Variants in LDB2 observed in about 807,000 individuals in gnomAD.
LDB2 encodes the protein LIM domain binding 2.
In LDB2, 12 loss-of-function variants were observed where a neutral mutation model predicts 44.3. The observed-to-expected ratio is 0.27, with a 90% CI of 0.17 to 0.44. LDB2 has a LOEUF of 0.44. Among genes scored for constraint, LDB2 ranks in the 20% least tolerant of loss-of-function variants. LDB2 has a pLI of 1.00. For synonymous variants in LDB2, 164 were observed against 174.8 expected, an observed-to-expected ratio of 0.94 and a Z score of 0.49; for missense variants, 344 against 473.5, an observed-to-expected ratio of 0.73 and a Z score of 2.54.
chr4:16,678,711 C>T (rs75802554), intron 2 of LDB2, among the ~76,000 whole-genome samples: 30 of 152,334 alleles, frequency 2.0e-4, no homozygotes, highest in African/African-American at 7.2e-4. Context: ...CTTCTCCATA[C>T]ATCTTGATAT....
intron 2 of LDB2, among the ~76,000 whole-genome samples, chr4:16,671,727 C>T (rs1357428802): frequency 6.6e-6 from 1 of 152,020 alleles, no homozygotes; most frequent in Non-Finnish European, 1.5e-5. Context: ...ATTGCAAAGT[C>T]TGCAATAGCT....
chr4:16,614,317 T>C (rs1726511531), intron 2 of LDB2, among the ~76,000 whole-genome samples: 1 of 152,092 alleles, frequency 6.6e-6, no homozygotes. Flanking sequence ...ATAAACACTC[T>C]AGAAGAACAC....
intron 1 of LDB2, among the ~76,000 whole-genome samples, chr4:16,762,421 C>A (rs1029983664): frequency 2.0e-5 from 3 of 152,052 alleles, no homozygotes; most frequent in African/African-American, 7.2e-5. Flanking sequence ...GAAGATATAC[C>A]CAAGACTGGG....
intron 1 of LDB2, among the ~76,000 whole-genome samples, chr4:16,787,641 G>A (rs1407028980): frequency 2.0e-5 from 3 of 152,082 alleles, no homozygotes; most frequent in Non-Finnish European, 4.4e-5. Context: ...GGTGCAACAA[G>A]ATGAACTATA....
intron 1 of LDB2, among the ~76,000 whole-genome samples, chr4:16,771,816 T>C (rs1288554467): frequency 6.6e-6 from 1 of 152,148 alleles, no homozygotes; most frequent in Non-Finnish European, 1.5e-5. Flanking sequence ...CTAACTCATC[T>C]CTCAGCCCCC....
At chr4:16,674,092 C>T in intron 2 of LDB2, 2 of 458,062 alleles carry the variant, frequency 4.4e-6, no homozygotes, top group Non-Finnish European at 7.8e-6. Context: ...GCAACTGAAG[C>T]TGTGCTGGGG....
Position 16,548,758 on chromosome 4 carries a change from G to T in LDB2, c.616-36654C>A, listed in dbSNP as rs141472004. 3.3e-5 allele frequency among the ~76,000 whole-genome samples: 5 copies of T among 152,324 alleles called. No individual in the cohort carries two copies. The East Asian group carries it at 9.6e-4, about 29-fold the overall frequency. ...ATTAGCTGAAAGCCTTTTGGGAAATGTAATAGTCACTCACTATTTATATTC... is the reference window on the plus strand; with the variant it reads ...ATTAGCTGAAAGCCTTTTGGGAAATTTAATAGTCACTCACTATTTATATTC... On this transcript the variant is annotated intron_variant, in intron 5 of 7. Coordinates refer to ENST00000304523, the MANE Select transcript of LDB2 (RefSeq NM_001290.5).
chr4:16,635,965 A>T (rs1733480936), intron 2 of LDB2, among the ~76,000 whole-genome samples: 1 of 152,196 alleles, frequency 6.6e-6, no homozygotes, highest in South Asian at 2.1e-4. Context: ...CTAGTTTCTC[A>T]GGTGTCTTCT....
At chr4:16,561,999 G>A (rs1199380544) in intron 5 of LDB2, among the ~76,000 whole-genome samples, 1 of 152,156 alleles carries the variant, frequency 6.6e-6, no homozygotes, top group African/African-American at 2.4e-5. Context: ...ATGGTGCTGG[G>A]AAAACTGGCT....
chr4:16,717,187 A>AATAATAATAATGATGATG (rs56204510), intron 2 of LDB2, among the ~76,000 whole-genome samples: 1 of 146,886 alleles, frequency 6.8e-6, no homozygotes, highest in African/African-American at 2.5e-5. Flanking sequence ...TAATAATAAT[A>AATAATAATAATGATGATG]ATGATGATGA....
Position 16,686,877 on chromosome 4 carries a change from G to T in LDB2, c.235+72281C>A, listed in dbSNP as rs567151821. On this transcript the variant is annotated intron_variant, in intron 2 of 7. Transcript: ENST00000304523. ...GCTCTTGCTACAAATCATAATTTTG[G>T]TGGGGTTGGGGGGATCCTTATTCCT... Among the ~76,000 whole-genome samples, 8 of 152,146 alleles carry T rather than the reference G, an allele frequency of 5.3e-5. No individual in the cohort carries two copies. The South Asian group carries it at 1.7e-3, about 32-fold the overall frequency.
At chr4:16,670,855 T>C (rs547733074) in intron 2 of LDB2, among the ~76,000 whole-genome samples, 1 of 152,320 alleles carries the variant, frequency 6.6e-6, no homozygotes, top group South Asian at 2.1e-4. Flanking sequence ...TATTGTTATT[T>C]ATTGAGTGTT....
In LDB2 at chr4:16,695,469, A is replaced by G. The variant is rs570030748; in HGVS notation, c.235+63689T>C. Among the ~76,000 whole-genome samples, 10 of 152,172 alleles carry G rather than the reference A, an allele frequency of 6.6e-5. No individual in the cohort carries two copies. The East Asian group carries it at 1.9e-3, about 29-fold the overall frequency. On this transcript the variant is annotated intron_variant, in intron 2 of 7. Transcript: ENST00000304523. ...AGAGCAAGACTCTGTCAAAAAAAAA[A>G]AAAGAAGAAGAAAAAGAAAGCCTTA...
chr4:16,547,879 G>C (rs1044018564), intron 5 of LDB2, among the ~76,000 whole-genome samples: 7 of 152,108 alleles, frequency 4.6e-5, no homozygotes, highest in Non-Finnish European at 8.8e-5. Context: ...CACATAGAAA[G>C]TGTGTTTTCT....
intron 2 of LDB2, among the ~76,000 whole-genome samples, chr4:16,742,139 T>TCGG (rs1374022946): frequency 7.6e-4 from 113 of 148,404 alleles, no homozygotes; most frequent in African/African-American, 2.8e-3. Context: ...TGGCACAATC[T>TCGG]CGGCTCACTG....
chr4:16,778,163 A>G (rs1171712931), intron 1 of LDB2, among the ~76,000 whole-genome samples: 2 of 152,176 alleles, frequency 1.3e-5, no homozygotes, highest in Non-Finnish European at 2.9e-5. Flanking sequence ...TTCTCCATGC[A>G]TGAATGCTTT....
chr4:16,768,440 C>A (rs1011348863), intron 1 of LDB2, among the ~76,000 whole-genome samples: 1 of 152,104 alleles, frequency 6.6e-6, no homozygotes, highest in Non-Finnish European at 1.5e-5. Context: ...TCAGAAGATA[C>A]TGAAGAAAGG....
chr4:16,721,449 C>T (rs964739976), intron 2 of LDB2, among the ~76,000 whole-genome samples: 15 of 152,098 alleles, frequency 9.9e-5, no homozygotes, highest in African/African-American at 3.4e-4. Context: ...TCCGGTTCTC[C>T]CTTTCACTTT....
At chr4:16,595,672 A>AGCCGG in intron 3 of LDB2, 31 bp downstream of exon 3, 1 of 1,598,800 alleles carries the variant, frequency 6.3e-7, no homozygotes, top group Non-Finnish European at 8.5e-7. Flanking sequence ...GAGTAGGAAA[A>AGCCGG]GCCGGGCATG....
Sources: gnomAD v4.1 joint callset for allele counts (sites outside exome capture counted in the v4.1 genomes callset) on GRCh38, gnomAD v4.1.1 for gene constraint, MANE v1.5 for transcripts, NCBI Gene and HGNC (gene_info 2026-07-23, HGNC 2026-07-21) for gene names.